The following SIRPB2 variants were observed in gnomAD, a reference collection of about 807,000 sequenced individuals.
SIRPB2 encodes signal-regulatory protein beta-2.
In SIRPB2, 18 loss-of-function variants were observed where a neutral mutation model predicts 27.1. The observed-to-expected ratio is 0.66, with a 90% CI of 0.46 to 0.98. SIRPB2 has a LOEUF of 0.98. SIRPB2 is among the 50% of genes least tolerant of loss of function. SIRPB2 has a pLI of 0.00. For missense variants in SIRPB2, 420 were observed against 417.4 expected, an observed-to-expected ratio of 1.01 and a Z score of -0.06; for synonymous variants, 150 against 164.6, an observed-to-expected ratio of 0.91 and a Z score of 0.68.
downstream of SIRPB2, among the ~76,000 whole-genome samples, chr20:1,474,275 G>A (rs534421431): frequency 3.9e-5 from 6 of 152,036 alleles, no homozygotes; most frequent in Admixed American, 6.6e-5. Flanking sequence ...AGGTTCCAGA[G>A]ATTAGGACAT....
At chr20:1,486,474 C>T (rs1420533066) in intron 1 of SIRPB2, among the ~76,000 whole-genome samples, 3 of 151,814 alleles carry the variant, frequency 2.0e-5, no homozygotes, top group Non-Finnish European at 2.9e-5. Context: ...CTATGAGTCC[C>T]AGTGTTATCT....
At chr20:1,472,246 C>G (rs1340834467), downstream of SIRPB2, among the ~76,000 whole-genome samples, 1 of 152,190 alleles carries the variant, frequency 6.6e-6, no homozygotes, top group Non-Finnish European at 1.5e-5. Context: ...CCCATCCATT[C>G]CCCACCCTTT....
At position 1,475,781 on chromosome 20, in the gene SIRPB2, T is replaced by TCAGTAAGAAA; in HGVS notation, c.*385_*386insTTTCTTACTG. ...GAGGGGCACAGATGGTCTGGCTGGT[T>TCAGTAAGAAA]GAGTTCAGAGATTCTTACAGACATC... is the stretch of plus-strand genomic sequence containing the variant. On this transcript the variant is annotated 3_prime_UTR_variant, in exon 5 of 5. Coordinates refer to ENST00000359801, the MANE Select transcript of SIRPB2 (RefSeq NM_001122962.2). The TCAGTAAGAAA allele has an allele frequency of 7.3e-6, 1 of 137,440 alleles. No individual in the cohort carries two copies. The highest frequency in any genetic ancestry group is 1.6e-5 in the Non-Finnish European group (1 of 64,188). 8.5% of individuals were successfully genotyped at this position (137,440 alleles called of 1,614,324 possible).
chr20:1,491,296 C>A lies in SIRPB2; in HGVS notation c.64G>T (p.Ala22Ser). ...TTACCTGAGGGGACAAGGACCAGTG[C>A]CAGCAGCAGGAAGCAGGGAGGCAAG... Reference protein sequence around the residue: ...AHLPPCFLLLALVLVPSDASG... With the variant: ...AHLPPCFLLLSLVLVPSDASG... The change falls in exon 1 of 5, where the codon GCA (alanine) becomes TCA (serine). Residue 22 changes from alanine (A) to serine (S), a missense_variant. Physicochemically the swap from Ala to Ser is moderately conservative, Grantham distance 99 (BLOSUM62 1). Transcript: ENST00000359801. 6.2e-7 allele frequency: 1 copy of A among 1,611,572 alleles called. No homozygotes were observed. The highest frequency in any genetic ancestry group is 8.5e-7 in the Non-Finnish European group (1 of 1,179,192).
intron 1 of SIRPB2, among the ~76,000 whole-genome samples, chr20:1,484,952 A>G (rs6042544): frequency 0.61 from 92,748 of 152,056 alleles, 30,301 homozygotes; most frequent in African/African-American, 0.84. Context: ...ATGAATGAAG[A>G]TGGAGTTCAT....
At chr20:1,472,296 G>A (rs1255239464), downstream of SIRPB2, among the ~76,000 whole-genome samples, 2 of 152,152 alleles carry the variant, frequency 1.3e-5, no homozygotes, top group East Asian at 3.9e-4. Flanking sequence ...CCCCACGAAG[G>A]GCCTTAAATT....
Position 1,476,231 on chromosome 20 carries a change from T to A in SIRPB2, c.965A>T (p.Asp322Val). Residue 322 changes from aspartate to valine, a missense_variant, in exon 5 of 5, where the codon GAT becomes GTT. Transcript: ENST00000359801. ...TCCTGCTGGGCCTGTGGTCTTGACA[T>A]CTTCTTGCCCAGGGCTCCTCCGAGA... ...ATSRRSPGQE[D>V]VKTTGPAGAM... is the part of the protein sequence containing the mutation. 2 of 1,614,034 alleles carry A rather than the reference T, an allele frequency of 1.2e-6. No homozygotes were observed. Among genetic ancestry groups the A allele is most frequent in the Non-Finnish European group, 1.7e-6 (2 of 1,179,988 alleles).
chr20:1,478,075 G>A, intron 3 of SIRPB2, 191 bp downstream of exon 3: 1 of 702,466 alleles, frequency 1.4e-6, no homozygotes, highest in Middle Eastern at 2.3e-4. Context: ...TACAGAGGAA[G>A]GGCCATTTGT....
intron 1 of SIRPB2, among the ~76,000 whole-genome samples, chr20:1,483,749 G>A (rs2090696923): frequency 6.6e-6 from 1 of 152,136 alleles, no homozygotes; most frequent in Non-Finnish European, 1.5e-5. Flanking sequence ...CAGTGCAGAA[G>A]CTTTTTAGTT....
At chr20:1,481,655 A>G (rs1269993050) in intron 1 of SIRPB2, among the ~76,000 whole-genome samples, 1 of 152,172 alleles carries the variant, frequency 6.6e-6, no homozygotes, top group Admixed American at 6.5e-5. Context: ...TCTAAATTCT[A>G]TTTCTACCTA....
chr20:1,475,775 GCT>G lies in SIRPB2; in HGVS notation c.*390_*391del. 1 of 155,702 alleles carries G rather than the reference GCT, an allele frequency of 6.4e-6. No homozygotes were observed. Among genetic ancestry groups the G allele is most frequent in the Non-Finnish European group, 1.4e-5 (1 of 73,448 alleles). The allele number at this position is 155,702 out of a possible 1,614,324, so 9.6% of individuals were successfully genotyped here. On this transcript the variant is annotated 3_prime_UTR_variant, in exon 5 of 5. Transcript: ENST00000359801. ...TAGATGGAGGGGCACAGATGGTCTGGCTGGTTGAGTTCAGAGATTCTTACAGA... is the reference window on the plus strand; with the variant it reads ...TAGATGGAGGGGCACAGATGGTCTGGGGTTGAGTTCAGAGATTCTTACAGA...
At chr20:1,483,407 T>A (rs1413459194) in intron 1 of SIRPB2, among the ~76,000 whole-genome samples, 1 of 152,096 alleles carries the variant, frequency 6.6e-6, no homozygotes, top group Non-Finnish European at 1.5e-5. Flanking sequence ...GCACCTGGCC[T>A]TTTTTTGGGT....
chr20:1,473,705 G>A, downstream of SIRPB2: 1 of 372,616 alleles, frequency 2.7e-6, no homozygotes, highest in Non-Finnish European at 5.4e-6. Flanking sequence ...ACAGGATCTG[G>A]GGAGATGAGG....
Position 1,491,269 on chromosome 20 carries a change from A to T in SIRPB2, c.85+6T>A, listed in dbSNP as rs778853075. 4.3e-6 allele frequency: 7 copies of T among 1,609,276 alleles called. No homozygotes were observed. In the Admixed American group the frequency reaches 5.0e-5, roughly 12 times the overall value. On this transcript the variant is annotated splice_donor_region_variant and intron_variant, in intron 1 of 4. Transcript: ENST00000359801. ...TGGACCCTGTTCTATCCTAGACCCC[A>T]CTTACCTGAGGGGACAAGGACCAGT...
Position 1,475,771 on chromosome 20 carries a change from T to TCA in SIRPB2, c.*395_*396insTG. The TCA allele has an allele frequency of 5.7e-6, 1 of 175,666 alleles. No individual in the cohort carries two copies. The highest frequency in any genetic ancestry group is 1.2e-5 in the Non-Finnish European group (1 of 84,034). The allele number at this position is 175,666 out of a possible 1,614,324, so 10.9% of individuals were successfully genotyped here. On this transcript the variant is annotated 3_prime_UTR_variant, in exon 5 of 5. Transcript: ENST00000359801. ...GGTGTAGATGGAGGGGCACAGATGG[T>TCA]CTGGCTGGTTGAGTTCAGAGATTCT...
chr20:1,490,205 T>C (rs568148763), intron 1 of SIRPB2, among the ~76,000 whole-genome samples: 1 of 152,328 alleles, frequency 6.6e-6, no homozygotes, highest in Admixed American at 6.5e-5. Context: ...CATCTTAGAA[T>C]TGAGGAAATC....
rs1393356801 is a variant in SIRPB2, at chr20:1,478,582, C to T, written c.477G>A (p.Leu159=). The change falls in exon 3 of 5, where the codon CTG becomes CTA. Residue 159 remains leucine, a synonymous_variant. Transcript: ENST00000359801. ...CCAATTCCTGGGGCTGGATGATCCA[C>T]AGGTCTGGTTCAGGGTCCCCAGCTC... ...VKGAGDPEPD[L]WIIQPQELVL... is the part of the protein sequence containing the mutation. The T allele has an allele frequency of 6.3e-7, 1 of 1,597,294 alleles. No individual in the cohort carries two copies. Among genetic ancestry groups the T allele is most frequent in the African/African-American group, 1.3e-5 (1 of 74,518 alleles).
At position 1,477,411 on chromosome 20, in the gene SIRPB2, G is replaced by A. The variant is rs1012962081; in HGVS notation, c.794-8C>T. On this transcript the variant is annotated splice_polypyrimidine_tract_variant and splice_region_variant and intron_variant, in intron 3 of 4. Coordinates refer to ENST00000359801, the MANE Select transcript of SIRPB2 (RefSeq NM_001122962.2). ...TGGAAGAGGTAGATTTTGCTGCAAG[G>A]GAGAGAGGCTTTGTCATACTTCCCT... is the stretch of plus-strand genomic sequence containing the variant. 2.5e-6 allele frequency: 4 copies of A among 1,608,414 alleles called. No individual in the cohort carries two copies. In the Admixed American group the frequency reaches 5.0e-5, roughly 20 times the overall value.
Position 1,476,104 on chromosome 20 carries a change from G to A in SIRPB2, c.*63C>T. ...CCTAGAGGCTGGGACTGGAGGTAGG[G>A]AAATGGTTGAGGAGCCCTGGCTCCT... On this transcript the variant is annotated 3_prime_UTR_variant, in exon 5 of 5. Transcript: ENST00000359801. 14 of 1,578,148 alleles carry A rather than the reference G, an allele frequency of 8.9e-6. No individual in the cohort carries two copies. In the South Asian group the frequency reaches 1.6e-4, roughly 18 times the overall value.
Sources: gnomAD v4.1 joint callset for allele counts (sites outside exome capture counted in the v4.1 genomes callset) on GRCh38, gnomAD v4.1.1 for gene constraint, MANE v1.5 for transcripts, NCBI Gene and HGNC (gene_info 2026-07-23, HGNC 2026-07-21) for gene names.